Variants in KCNQ5 observed in about 807,000 individuals in gnomAD.
KCNQ5 encodes potassium voltage-gated channel subfamily KQT member 5.
KCNQ5 carries 30 observed loss-of-function variants against 98.2 expected under a neutral mutation model. The observed-to-expected ratio is 0.31, with a 90% CI of 0.23 to 0.41. KCNQ5 has a LOEUF of 0.41. Ranked by LOEUF, KCNQ5 falls within the 10% of genes least tolerant of loss-of-function variation. KCNQ5 has a pLI of 1.00. For missense variants in KCNQ5, 835 were observed against 1,182.5 expected (o/e 0.71, Z 4.31); for synonymous variants, 458 against 449.4 (o/e 1.02, Z -0.24).
intron 1 of KCNQ5, among the ~76,000 whole-genome samples, chr6:72,973,161 A>G (rs1282138572): frequency 6.6e-6 from 1 of 152,180 alleles, no homozygotes; most frequent in Admixed American, 6.6e-5. Flanking sequence ...ATGGCCCTCA[A>G]TTAATAATTT....
intron 3 of KCNQ5, among the ~76,000 whole-genome samples, chr6:73,063,725 A>AGATAGATAGATAGATAGAT (rs1772921549): frequency 2.8e-5 from 3 of 106,918 alleles, no homozygotes; most frequent in Non-Finnish European, 5.6e-5. Flanking sequence ...GATAGATGAT[A>AGATAGATAGATAGATAGAT]GATAGATAGA....
At chr6:72,654,333 C>T (rs1766034626) in intron 1 of KCNQ5, among the ~76,000 whole-genome samples, 1 of 151,930 alleles carries the variant, frequency 6.6e-6, no homozygotes, top group Admixed American at 6.6e-5. Context: ...GTAGTCATCT[C>T]ATGAATTGGA....
chr6:72,778,502 G>A (rs2154477739), intron 1 of KCNQ5, among the ~76,000 whole-genome samples: 1 of 150,750 alleles, frequency 6.6e-6, no homozygotes, highest in East Asian at 2.0e-4. Flanking sequence ...TCACGCCACT[G>A]CACTCCAGCC....
At chr6:73,012,111 C>T (rs1167713233) in intron 2 of KCNQ5, among the ~76,000 whole-genome samples, 1 of 152,066 alleles carries the variant, frequency 6.6e-6, no homozygotes, top group African/African-American at 2.4e-5. Context: ...AGCAATTCCA[C>T]TTCTGGATGT....
intron 10 of KCNQ5, chr6:73,158,151 G>T: frequency 5.3e-6 from 2 of 374,636 alleles, no homozygotes; most frequent in Non-Finnish European, 1.0e-5. Context: ...GTGCGGGGGA[G>T]GGGGCGGGGC....
intron 2 of KCNQ5, among the ~76,000 whole-genome samples, chr6:73,009,836 A>C (rs1582184161): frequency 6.6e-6 from 1 of 152,162 alleles, no homozygotes; most frequent in East Asian, 1.9e-4. Context: ...AAGAAATAGA[A>C]ACCGAATAGT....
At chr6:72,794,519 A>T (rs1774225060) in intron 1 of KCNQ5, among the ~76,000 whole-genome samples, 1 of 152,224 alleles carries the variant, frequency 6.6e-6, no homozygotes, top group African/African-American at 2.4e-5. Flanking sequence ...TTAAAGACTG[A>T]TAAAAGAGGA....
At chr6:72,956,259 C>A (rs968476141) in intron 1 of KCNQ5, among the ~76,000 whole-genome samples, 5 of 152,128 alleles carry the variant, frequency 3.3e-5, no homozygotes, top group Non-Finnish European at 5.9e-5. Flanking sequence ...CAAAGCCACA[C>A]AACAAGTCAG....
chr6:72,710,737 A>G (rs531425784), intron 1 of KCNQ5, among the ~76,000 whole-genome samples: 1 of 152,318 alleles, frequency 6.6e-6, no homozygotes, highest in Middle Eastern at 3.4e-3. Flanking sequence ...GCAACAAAAT[A>G]ATAGTGGGGG....
chr6:72,724,680 T>G (rs907468562), intron 1 of KCNQ5, among the ~76,000 whole-genome samples: 11 of 152,212 alleles, frequency 7.2e-5, no homozygotes, highest in African/African-American at 2.7e-4. Context: ...ATGCCCCTTG[T>G]GTCCCTCCTT....
At chr6:72,875,970 G>T (rs1169622370) in intron 1 of KCNQ5, among the ~76,000 whole-genome samples, 1 of 151,544 alleles carries the variant, frequency 6.6e-6, no homozygotes, top group Non-Finnish European at 1.5e-5. Flanking sequence ...AGAGTTGTTT[G>T]TGTTACTTTT....
intron 1 of KCNQ5, among the ~76,000 whole-genome samples, chr6:72,760,245 A>T (rs1034616020): frequency 1.3e-5 from 2 of 152,162 alleles, no homozygotes; most frequent in East Asian, 1.9e-4. Flanking sequence ...TCTAGTTAGA[A>T]GAGCAGCATT....
At chr6:72,750,654 A>G (rs527727894) in intron 1 of KCNQ5, among the ~76,000 whole-genome samples, 2 of 152,178 alleles carry the variant, frequency 1.3e-5, no homozygotes, top group Admixed American at 1.3e-4. Context: ...TATATGATCA[A>G]ATATGGTTCT....
At chr6:72,928,367 A>G (rs1765536582) in intron 1 of KCNQ5, among the ~76,000 whole-genome samples, 2 of 152,112 alleles carry the variant, frequency 1.3e-5, no homozygotes, top group African/African-American at 4.8e-5. Flanking sequence ...CTCTTTGCCA[A>G]AACTCTAAGG....
intron 1 of KCNQ5, among the ~76,000 whole-genome samples, chr6:72,891,359 A>G (rs750266634): frequency 2.0e-5 from 3 of 152,204 alleles, no homozygotes; most frequent in Non-Finnish European, 4.4e-5. Context: ...GGTTGGATGA[A>G]CATACTCAAA....
At chr6:72,676,674 C>T (rs1027817858) in intron 1 of KCNQ5, among the ~76,000 whole-genome samples, 22 of 152,302 alleles carry the variant, frequency 1.4e-4, no homozygotes, top group Admixed American at 1.4e-3. Flanking sequence ...AATGCTGTCA[C>T]TTCTCCTTGT....
chr6:72,685,535 A>G (rs1767908800), intron 1 of KCNQ5, among the ~76,000 whole-genome samples: 2 of 152,188 alleles, frequency 1.3e-5, no homozygotes, highest in African/African-American at 2.4e-5. Flanking sequence ...CATTTTTTAT[A>G]TCCTTCAGAG....
chr6:72,808,346 T>C (rs781269327), intron 1 of KCNQ5, among the ~76,000 whole-genome samples: 1 of 152,126 alleles, frequency 6.6e-6, no homozygotes, highest in Non-Finnish European at 1.5e-5. Context: ...AGAGACTAAG[T>C]TGATTTATTT....
intron 1 of KCNQ5, among the ~76,000 whole-genome samples, chr6:72,817,933 AG>A (rs1324889011): frequency 1.8e-4 from 27 of 152,148 alleles, no homozygotes; most frequent in Admixed American, 1.7e-3. Context: ...CACAAAAAAA[AG>A]AAAAAAAGAA....
Sources: gnomAD v4.1 joint callset for allele counts (sites outside exome capture counted in the v4.1 genomes callset) on GRCh38, gnomAD v4.1.1 for gene constraint, MANE v1.5 for transcripts, NCBI Gene and HGNC (gene_info 2026-07-23, HGNC 2026-07-21) for gene names.